The following TMED3 variants were observed in gnomAD, a reference collection of about 807,000 sequenced individuals.
TMED3 encodes the protein transmembrane emp24 domain-containing protein 3.
Under a neutral mutation model 15.0 loss-of-function variants are expected in TMED3, and 9 were observed. The ratio of observed to expected loss-of-function variants is 0.60; its 90% confidence interval spans 0.36 to 1.04. The LOEUF is 1.04. Among genes scored for constraint, TMED3 ranks in the 50% least tolerant of loss-of-function variants. The pLI is 0.01. For missense variants in TMED3, 267 were observed against 278.9 expected, an observed-to-expected ratio of 0.96 and a Z score of 0.30; for synonymous variants, 117 against 121.4, an observed-to-expected ratio of 0.96 and a Z score of 0.24.
chr15:79,358,466 A>G (rs1893059424), intron 2 of TMED3, among the ~76,000 whole-genome samples: 1 of 152,182 alleles, frequency 6.6e-6, no homozygotes, highest in Non-Finnish European at 1.5e-5. Context: ...TGCAGTCTAG[A>G]CTGAGCAGGT....
At chr15:79,398,218 A>G (rs929828598) in intron 2 of TMED3, among the ~76,000 whole-genome samples, 1 of 152,092 alleles carries the variant, frequency 6.6e-6, no homozygotes, top group Non-Finnish European at 1.5e-5. Flanking sequence ...CCAGAATGCC[A>G]TGTAGTTGGA....
intron 2 of TMED3, among the ~76,000 whole-genome samples, chr15:79,410,509 T>C (rs1893962232): frequency 6.6e-6 from 1 of 152,162 alleles, no homozygotes. Flanking sequence ...GACAGGATGT[T>C]CACTGCAACT....
chr15:79,391,736 GTA>G (rs1491399489), intron 2 of TMED3, among the ~76,000 whole-genome samples: 1 of 152,018 alleles, frequency 6.6e-6, no homozygotes, highest in Non-Finnish European at 1.5e-5. Context: ...AGGTCTATTA[GTA>G]ATTGTTTTAT....
At chr15:79,376,766 G>A (rs1312962409) in intron 2 of TMED3, among the ~76,000 whole-genome samples, 3 of 152,132 alleles carry the variant, frequency 2.0e-5, no homozygotes, top group Admixed American at 1.3e-4. Context: ...TATTGTTGGC[G>A]TTTGTTTTAT....
intron 2 of TMED3, among the ~76,000 whole-genome samples, chr15:79,388,439 G>A (rs548820623): frequency 1.3e-5 from 2 of 150,316 alleles, no homozygotes; most frequent in East Asian, 3.9e-4. Context: ...TTTTTAAGAC[G>A]GGCTGAGTAG....
intron 2 of TMED3, among the ~76,000 whole-genome samples, chr15:79,334,829 G>T (rs1239363675): frequency 2.6e-5 from 4 of 151,900 alleles, no homozygotes; most frequent in African/African-American, 4.8e-5. Context: ...TTCAGAGAAG[G>T]TTACAAGAAA....
intron 2 of TMED3, among the ~76,000 whole-genome samples, chr15:79,385,588 T>C (rs776445240): frequency 2.6e-5 from 4 of 151,888 alleles, no homozygotes; most frequent in Non-Finnish European, 5.9e-5. Context: ...CTCCCTGGAG[T>C]GGAAGGCCCA....
At chr15:79,389,894 G>A (rs1893675641) in intron 2 of TMED3, among the ~76,000 whole-genome samples, 1 of 152,088 alleles carries the variant, frequency 6.6e-6, no homozygotes, top group African/African-American at 2.4e-5. Flanking sequence ...CCACTTGGTT[G>A]CTGTTGGTGT....
In TMED3 at chr15:79,352,673, A is replaced by AATAT. The variant is rs1555422864; in HGVS notation, c.417+38679_417+38682dup. On this transcript the variant is annotated intron_variant, in intron 2 of 2. Coordinates refer to the TMED3 transcript ENST00000424155. ...CAAGGTCATTAACTAAGAAAAAAAA[A>AATAT]ATATATATATATATGTAACTGAATA... Among the ~76,000 whole-genome samples the AATAT allele has an allele frequency of 8.6e-3, 1,219 of 141,736 alleles. 19 individuals are homozygous for AATAT. Among genetic ancestry groups the AATAT allele is most frequent in the African/African-American group, 0.024 (931 of 38,220 alleles). The allele number at this position is 141,736 out of a possible 152,430, so 93.0% of individuals were successfully genotyped here. A position where few individuals can be genotyped will look rare whatever the true frequency, so the allele number is the denominator to read the frequency against.
At chr15:79,381,678 C>T (rs1567036955) in intron 2 of TMED3, among the ~76,000 whole-genome samples, 1 of 152,208 alleles carries the variant, frequency 6.6e-6, no homozygotes, top group Non-Finnish European at 1.5e-5. Context: ...GAGCCACTCT[C>T]ACCTGGCTTG....
chr15:79,403,140 T>G (rs1181593490), intron 2 of TMED3, among the ~76,000 whole-genome samples: 1 of 145,340 alleles, frequency 6.9e-6, no homozygotes, highest in African/African-American at 2.6e-5. Flanking sequence ...CAAGAATCAT[T>G]TGAGCCCAGG....
rs1443184341 is a variant in TMED3, at chr15:79,311,339, C to G, written c.90C>G (p.Thr30=). The G allele has an allele frequency of 6.2e-7, 1 of 1,611,490 alleles. No individual in the cohort carries two copies. Reference sequence around the variant, plus strand: ...AGCAGCCCTGCGGGGCCGAGCTCACCTTCGAGCTGCCGGACAACGCCAAGC... The same window carrying G: ...AGCAGCCCTGCGGGGCCGAGCTCACGTTCGAGCTGCCGGACAACGCCAAGC... ...RAEQPCGAEL[T]FELPDNAKQC... is the part of the protein sequence containing the mutation. The change falls in exon 1 of 3, where the codon ACC becomes ACG. Residue 30 remains threonine, a synonymous_variant. Coordinates refer to ENST00000299705, the MANE Select transcript of TMED3 (RefSeq NM_007364.4).
chr15:79,397,391 C>T (rs914394417), intron 2 of TMED3, among the ~76,000 whole-genome samples: 1 of 152,120 alleles, frequency 6.6e-6, no homozygotes, highest in African/African-American at 2.4e-5. Context: ...GCGCTCTCTG[C>T]CTGGACATGG....
At chr15:79,335,661 A>G (rs1284309450) in intron 2 of TMED3, among the ~76,000 whole-genome samples, 1 of 152,260 alleles carries the variant, frequency 6.6e-6, no homozygotes, top group Non-Finnish European at 1.5e-5. Flanking sequence ...TTCATCCATT[A>G]AAATATACAG....
At chr15:79,400,589 A>G (rs185013537) in intron 2 of TMED3, among the ~76,000 whole-genome samples, 2 of 152,354 alleles carry the variant, frequency 1.3e-5, no homozygotes, top group Non-Finnish European at 2.9e-5. Context: ...TAGAATGTTC[A>G]CTATTACACC....
At chr15:79,377,829 G>A (rs1246210693) in intron 2 of TMED3, among the ~76,000 whole-genome samples, 1 of 151,766 alleles carries the variant, frequency 6.6e-6, no homozygotes, top group East Asian at 1.9e-4. Context: ...TGTACTTTTA[G>A]TAGAGACGGG....
chr15:79,318,597 G>A (rs1279935022), intron 2 of TMED3, among the ~76,000 whole-genome samples: 2 of 152,192 alleles, frequency 1.3e-5, no homozygotes, highest in Non-Finnish European at 2.9e-5. Context: ...GCCTGGCAGG[G>A]AGCACTAGGG....
intron 2 of TMED3, among the ~76,000 whole-genome samples, chr15:79,352,844 A>G (rs1567030217): frequency 8.0e-6 from 1 of 124,626 alleles, no homozygotes; most frequent in East Asian, 2.3e-4. Flanking sequence ...ATATATATAT[A>G]TAAAATATAC....
chr15:79,369,413 C>T (rs1418956387), intron 2 of TMED3, among the ~76,000 whole-genome samples: 1 of 152,210 alleles, frequency 6.6e-6, no homozygotes, highest in African/African-American at 2.4e-5. Flanking sequence ...CAGACTGCCA[C>T]CTTGCTGGCT....
Sources: allele counts gnomAD v4.1 joint callset (sites outside exome capture counted in the v4.1 genomes callset), GRCh38; gene constraint gnomAD v4.1.1; transcripts MANE v1.5; gene names NCBI Gene and HGNC (gene_info 2026-07-23, HGNC 2026-07-21).